UMAD1: variants seen among roughly 807,000 people sequenced by gnomAD.
UMAD1 encodes UBAP1-MVB12-associated (UMA)-domain containing protein 1.
In UMAD1, 8 loss-of-function variants were observed where a neutral mutation model predicts 6.1. The ratio of observed to expected loss-of-function variants is 1.30; its 90% CI spans 0.76 to 2.35. The LOEUF is 2.35. Ranked by LOEUF, UMAD1 falls within the 30% of genes most tolerant of loss-of-function variation. UMAD1 has a pLI of 0.00. For synonymous variants in UMAD1, 56 were observed against 31.4 expected (o/e 1.78, Z -2.61); for missense variants, 130 against 78.4 (o/e 1.66, Z -2.49).
At chr7:7,705,908 A>T (rs1780587799) in intron 2 of UMAD1, among the ~76,000 whole-genome samples, 2 of 152,088 alleles carry the variant, frequency 1.3e-5, no homozygotes, top group South Asian at 4.1e-4. Context: ...TTATATGGGA[A>T]TTCTCTGTAC....
In UMAD1 at chr7:7,655,900, A is replaced by T. The variant is rs1487094056; in HGVS notation, c.-64+15079A>T. On this transcript the variant is annotated intron_variant, in intron 1 of 3. Transcript: ENST00000682710. Reference sequence around the variant, plus strand: ...CCCCAGGCTGGAATGCCATGGTGTGATCTTGGCTCACTGCAACCTCCACCT... The same window carrying T: ...CCCCAGGCTGGAATGCCATGGTGTGTTCTTGGCTCACTGCAACCTCCACCT... 2.0e-5 allele frequency among the ~76,000 whole-genome samples: 3 copies of T among 151,838 alleles called. No homozygotes were observed. The East Asian group carries it at 5.8e-4, about 29-fold the overall frequency.
intron 3 of UMAD1, among the ~76,000 whole-genome samples, chr7:7,814,305 T>C (rs973362111): frequency 1.3e-5 from 2 of 152,254 alleles, no homozygotes; most frequent in Non-Finnish European, 2.9e-5. Context: ...CAAAATATTT[T>C]GTTTTTCTTG....
chr7:7,753,137 T>G (rs1396175524), intron 2 of UMAD1, among the ~76,000 whole-genome samples: 2 of 152,202 alleles, frequency 1.3e-5, no homozygotes, highest in African/African-American at 4.8e-5. Flanking sequence ...TTTATTTATT[T>G]TAATTTTTGT....
At chr7:7,825,239 A>C (rs1166776240) in intron 3 of UMAD1, among the ~76,000 whole-genome samples, 1 of 152,186 alleles carries the variant, frequency 6.6e-6, no homozygotes, top group Non-Finnish European at 1.5e-5. Flanking sequence ...ACTGAAGTTA[A>C]TTAATAAGTC....
chr7:7,735,688 G>A (rs1195399235), intron 2 of UMAD1: 1 of 152,262 alleles, frequency 6.6e-6, no homozygotes, highest in Admixed American at 6.5e-5. Context: ...GGGATTACAG[G>A]CGTCAGCCAC....
chr7:7,792,494 CTG>C (rs1391973811), intron 2 of UMAD1, among the ~76,000 whole-genome samples: 1 of 152,200 alleles, frequency 6.6e-6, no homozygotes, highest in African/African-American at 2.4e-5. Flanking sequence ...GTGTTTAAAA[CTG>C]AATTGGTTAA....
Position 7,877,766 on chromosome 7 carries a change from G to A in UMAD1, c.*228G>A, listed in dbSNP as rs901334118. The A allele has an allele frequency of 1.6e-5, 8 of 488,402 alleles. No homozygotes were observed. The highest frequency in any genetic ancestry group is 2.9e-5 in the Non-Finnish European group (8 of 275,354). 30.3% of individuals were successfully genotyped at this position (488,402 alleles called of 1,614,324 possible). A position where few individuals can be genotyped will look rare whatever the true frequency, so the allele number is the denominator to read the frequency against. On this transcript the variant is annotated 3_prime_UTR_variant, in exon 4 of 4. Transcript: ENST00000682710. ...CCCATATAATAAATATACAAATTAG[G>A]CTATGAAGGTTTTAGGAAAGGACTC...
At chr7:7,715,335 C>G (rs1467474071) in intron 2 of UMAD1, 1 of 152,100 alleles carries the variant, frequency 6.6e-6, no homozygotes, top group Admixed American at 6.5e-5. Context: ...GAAGAGTTGA[C>G]CATAGACCTT....
chr7:7,800,468 G>A (rs777647197), intron 2 of UMAD1, among the ~76,000 whole-genome samples: 4 of 151,732 alleles, frequency 2.6e-5, no homozygotes, highest in Non-Finnish European at 5.9e-5. Flanking sequence ...ATAGGTTTTG[G>A]GGGAACAGAT....
chr7:7,675,539 T>C (rs1303843248), intron 2 of UMAD1, among the ~76,000 whole-genome samples: 1 of 152,214 alleles, frequency 6.6e-6, no homozygotes, highest in Non-Finnish European at 1.5e-5. Flanking sequence ...CAGGAAAGAC[T>C]AGTTTAAGAA....
At position 7,747,998 on chromosome 7, in the gene UMAD1, G is replaced by A. The variant is rs571256866; in HGVS notation, c.83-53672G>A. On this transcript the variant is annotated intron_variant, in intron 2 of 3. Transcript: ENST00000682710. ...CTTGTTTTGTTTTGTTTACAGTGGC[G>A]TGATCTCGGCTCACTGCAACCTCCG... Among the ~76,000 whole-genome samples, 9 of 152,124 alleles carry A rather than the reference G, an allele frequency of 5.9e-5. No individual in the cohort carries two copies. In the South Asian group the frequency reaches 1.7e-3, roughly 28 times the overall value.
chr7:7,703,912 A>C lies in UMAD1; in HGVS notation c.82+30459A>C, dbSNP rs532762428. ...AGCCATGACTGTGTCACTGCAGTGA[A>C]GCCTGGGCGACAGATAACCTGTCTC... On this transcript the variant is annotated intron_variant, in intron 2 of 3. Coordinates refer to ENST00000682710, the MANE Select transcript of UMAD1 (RefSeq NM_001302348.2). 2.0e-5 allele frequency among the ~76,000 whole-genome samples: 3 copies of C among 152,216 alleles called. No homozygotes were observed. The South Asian group carries it at 6.2e-4, about 32-fold the overall frequency.
chr7:7,795,409 A>C (rs1178936569), intron 2 of UMAD1, among the ~76,000 whole-genome samples: 7 of 152,178 alleles, frequency 4.6e-5, no homozygotes, highest in Non-Finnish European at 1.5e-5. Context: ...CTTGATTCTT[A>C]AGAGAGAGGG....
chr7:7,722,648 TA>T, intron 2 of UMAD1, among the ~76,000 whole-genome samples: 1 of 152,258 alleles, frequency 6.6e-6, no homozygotes, highest in Admixed American at 6.5e-5. Flanking sequence ...TACTGAGCCT[TA>T]AATCTCCTAA....
intron 2 of UMAD1, among the ~76,000 whole-genome samples, chr7:7,727,455 T>C (rs563220716): frequency 2.2e-4 from 34 of 152,288 alleles, no homozygotes; most frequent in African/African-American, 7.9e-4. Flanking sequence ...ATATATGATC[T>C]CAGGAAATGT....
chr7:7,681,750 G>A (rs189168999), intron 2 of UMAD1, among the ~76,000 whole-genome samples: 35 of 152,002 alleles, frequency 2.3e-4, no homozygotes, highest in Middle Eastern at 3.4e-3. Flanking sequence ...TAATTACCAG[G>A]GTTTTCTCCT....
At chr7:7,874,897 G>T (rs1784388577) in intron 3 of UMAD1, among the ~76,000 whole-genome samples, 1 of 152,100 alleles carries the variant, frequency 6.6e-6, no homozygotes. Flanking sequence ...TTGCTCATGT[G>T]TATTCAGTTT....
intron 2 of UMAD1, among the ~76,000 whole-genome samples, chr7:7,693,306 T>TCTATCTATCTAG (rs1157769772): frequency 1.2e-4 from 18 of 151,866 alleles, no homozygotes; most frequent in Non-Finnish European, 2.4e-4. Context: ...TATCTATCTA[T>TCTATCTATCTAG]CTATCTATCT....
At chr7:7,724,192 C>G (rs919888058) in intron 2 of UMAD1, among the ~76,000 whole-genome samples, 3 of 152,124 alleles carry the variant, frequency 2.0e-5, no homozygotes, top group African/African-American at 4.8e-5. Context: ...CCTGAAATGC[C>G]TCATCATTTC....
Sources: allele counts gnomAD v4.1 joint callset (sites outside exome capture counted in the v4.1 genomes callset), GRCh38; gene constraint gnomAD v4.1.1; transcripts MANE v1.5; gene names NCBI Gene and HGNC (gene_info 2026-07-23, HGNC 2026-07-21).